The following ST8SIA4 variants were observed in gnomAD, a reference collection of about 807,000 sequenced individuals.
ST8SIA4 encodes ST8 alpha-N-acetyl-neuraminide alpha-2,8-sialyltransferase 4.
ST8SIA4 carries 15 observed loss-of-function variants against 33.9 expected under a neutral mutation model. That is an observed-to-expected ratio of 0.44 (90% CI 0.30 to 0.68). The LOEUF is 0.68. Among genes scored for constraint, ST8SIA4 ranks in the 30% least tolerant of loss-of-function variants. The pLI, the probability that ST8SIA4 is intolerant of heterozygous loss-of-function variation, is 0.10. For missense variants in ST8SIA4, 321 were observed against 428.0 expected, an observed-to-expected ratio of 0.75 and a Z score of 2.21; for synonymous variants, 171 against 151.2, an observed-to-expected ratio of 1.13 and a Z score of -0.96.
At chr5:100,825,652 G>A (rs551661916) in intron 4 of ST8SIA4, among the ~76,000 whole-genome samples, 1 of 152,296 alleles carries the variant, frequency 6.6e-6, no homozygotes, top group East Asian at 1.9e-4. Flanking sequence ...GACCATAACT[G>A]AACTCTGGAC....
chr5:100,872,492 G>T (rs1752217021), intron 3 of ST8SIA4, among the ~76,000 whole-genome samples: 1 of 152,016 alleles, frequency 6.6e-6, no homozygotes, highest in African/African-American at 2.4e-5. Flanking sequence ...TTGAATTGTA[G>T]TTCTCATAAC....
chr5:100,882,594 G>A (rs1459428646), intron 3 of ST8SIA4, among the ~76,000 whole-genome samples: 1 of 152,206 alleles, frequency 6.6e-6, no homozygotes, highest in Non-Finnish European at 1.5e-5. Flanking sequence ...ATGTCTCCAA[G>A]GCATGTCAGA....
intron 4 of ST8SIA4, among the ~76,000 whole-genome samples, chr5:100,827,638 T>C (rs1452366708): frequency 6.6e-6 from 1 of 152,240 alleles, no homozygotes; most frequent in Non-Finnish European, 1.5e-5. Flanking sequence ...TGACAGGTCA[T>C]ATCCTGGATT....
intron 4 of ST8SIA4, among the ~76,000 whole-genome samples, chr5:100,834,444 T>C (rs955673456): frequency 2.0e-5 from 3 of 152,182 alleles, no homozygotes; most frequent in African/African-American, 7.2e-5. Context: ...AAAAAGGTAT[T>C]ATTATGGTAT....
intron 4 of ST8SIA4, among the ~76,000 whole-genome samples, chr5:100,822,736 C>T (rs555230471): frequency 1.3e-5 from 2 of 152,078 alleles, no homozygotes; most frequent in African/African-American, 4.8e-5. Context: ...AGACTGAGAC[C>T]TGCTGGGCTA....
At chr5:100,895,252 C>T (rs556432399) in intron 2 of ST8SIA4, among the ~76,000 whole-genome samples, 3 of 152,084 alleles carry the variant, frequency 2.0e-5, no homozygotes, top group African/African-American at 7.2e-5. Context: ...ATCGTCAGCA[C>T]AATAGAGTGT....
At chr5:100,889,034 T>C (rs1455224903) in intron 2 of ST8SIA4, among the ~76,000 whole-genome samples, 1 of 151,862 alleles carries the variant, frequency 6.6e-6, no homozygotes. Flanking sequence ...ACAGTTTATC[T>C]TAACAAAGTC....
At chr5:100,840,382 GT>G (rs933645787) in intron 4 of ST8SIA4, among the ~76,000 whole-genome samples, 3 of 150,958 alleles carry the variant, frequency 2.0e-5, no homozygotes, top group Non-Finnish European at 3.0e-5. Flanking sequence ...CAATTTTAGA[GT>G]TTTTTTTTAG....
At chr5:100,833,587 G>C (rs192322875) in intron 4 of ST8SIA4, among the ~76,000 whole-genome samples, 4 of 152,008 alleles carry the variant, frequency 2.6e-5, no homozygotes, top group Non-Finnish European at 5.9e-5. Context: ...AGAAAAATAG[G>C]AGTAATAACA....
chr5:100,891,472 G>A (rs577576402), intron 2 of ST8SIA4, among the ~76,000 whole-genome samples: 74 of 152,090 alleles, frequency 4.9e-4, no homozygotes, highest in Non-Finnish European at 9.1e-4. Context: ...AGAATAAAAC[G>A]TTTAACTGTA....
At chr5:100,856,426 GA>G (rs201066345) in intron 3 of ST8SIA4, 30 bp from the exon 4 acceptor site, 47 of 1,525,360 alleles carry the variant, frequency 3.1e-5, no homozygotes, top group South Asian at 6.3e-5. Flanking sequence ...TGGGACAAAT[GA>G]AAAAAAAAGA....
At chr5:100,897,000 T>C (rs1363251591) in intron 1 of ST8SIA4, among the ~76,000 whole-genome samples, 3 of 152,110 alleles carry the variant, frequency 2.0e-5, no homozygotes, top group Admixed American at 1.3e-4. Context: ...ACCTTGAAAA[T>C]TACAATAACT....
chr5:100,874,135 T>C lies in ST8SIA4; in HGVS notation c.503+12208A>G, dbSNP rs560209372. Reference sequence around the variant, plus strand: ...TATGAGGGAATCTTTCTAAACCTGTTTTCCTTTACCTATGGTGATATATAA... The same window carrying C: ...TATGAGGGAATCTTTCTAAACCTGTCTTCCTTTACCTATGGTGATATATAA... On this transcript the variant is annotated intron_variant, in intron 3 of 4. Coordinates refer to ENST00000231461, the MANE Select transcript of ST8SIA4 (RefSeq NM_005668.6). Among the ~76,000 whole-genome samples, 9 of 152,306 alleles carry C rather than the reference T, an allele frequency of 5.9e-5. No homozygotes were observed. The South Asian group carries it at 1.9e-3, about 32-fold the overall frequency.
chr5:100,835,169 C>A (rs547204851), intron 4 of ST8SIA4, among the ~76,000 whole-genome samples: 1 of 152,016 alleles, frequency 6.6e-6, no homozygotes, highest in Non-Finnish European at 1.5e-5. Context: ...TAAAGCTACC[C>A]GTAAGTTCAG....
chr5:100,863,647 ATCT>A (rs556699845), intron 3 of ST8SIA4, among the ~76,000 whole-genome samples: 117 of 152,334 alleles, frequency 7.7e-4, no homozygotes, highest in African/African-American at 2.7e-3. Flanking sequence ...AAATAAAAAA[ATCT>A]TCTTTAGCAT....
intron 4 of ST8SIA4, among the ~76,000 whole-genome samples, chr5:100,855,179 T>A (rs1751787830): frequency 6.6e-6 from 1 of 152,170 alleles, no homozygotes; most frequent in Non-Finnish European, 1.5e-5. Flanking sequence ...TTTCCTTCTG[T>A]TTGGTTTTCT....
intron 4 of ST8SIA4, among the ~76,000 whole-genome samples, chr5:100,821,491 G>A (rs549066825): frequency 6.6e-6 from 1 of 152,150 alleles, no homozygotes; most frequent in South Asian, 2.1e-4. Context: ...TCTTCTAATG[G>A]TCTGATGATC....
chr5:100,883,040 G>A (rs1027648366), intron 3 of ST8SIA4, among the ~76,000 whole-genome samples: 1 of 152,176 alleles, frequency 6.6e-6, no homozygotes, highest in Non-Finnish European at 1.5e-5. Context: ...TGTGAGAAGA[G>A]GGCCACCATC....
chr5:100,881,734 G>A (rs1057073723), intron 3 of ST8SIA4, among the ~76,000 whole-genome samples: 1 of 152,202 alleles, frequency 6.6e-6, no homozygotes, highest in Admixed American at 6.5e-5. Flanking sequence ...CCTGGTGGTA[G>A]AGAATTTGAA....
Sources: gnomAD v4.1 joint callset for allele counts (sites outside exome capture counted in the v4.1 genomes callset) on GRCh38, gnomAD v4.1.1 for gene constraint, MANE v1.5 for transcripts, NCBI Gene and HGNC (gene_info 2026-07-23, HGNC 2026-07-21) for gene names.